AIG1: variants seen among roughly 807,000 people sequenced by gnomAD.
AIG1 encodes androgen induced 1.
In AIG1, 23 loss-of-function variants were observed where a neutral mutation model predicts 31.4. The ratio of observed to expected loss-of-function variants is 0.73; its 90% CI spans 0.53 to 1.04. AIG1 has a LOEUF of 1.04. Among genes scored for constraint, AIG1 ranks in the 50% least tolerant of loss-of-function variants. The pLI, the probability that AIG1 is intolerant of heterozygous loss-of-function variation, is 0.00. For missense variants in AIG1, 274 were observed against 295.0 expected, an observed-to-expected ratio of 0.93 and a Z score of 0.52; for synonymous variants, 100 against 110.5, an observed-to-expected ratio of 0.90 and a Z score of 0.60.
chr6:143,277,643 T>C (rs566224580), intron 3 of AIG1, among the ~76,000 whole-genome samples: 2 of 152,362 alleles, frequency 1.3e-5, no homozygotes, highest in East Asian at 3.8e-4. Context: ...GAGGCCTGCC[T>C]GTATCCTACA....
At chr6:143,296,459 G>A (rs1309875931) in intron 4 of AIG1, among the ~76,000 whole-genome samples, 1 of 152,102 alleles carries the variant, frequency 6.6e-6, no homozygotes. Flanking sequence ...TCTCTTGTGG[G>A]CTGCATGGGA....
At chr6:143,264,757 A>C (rs1796037459) in intron 3 of AIG1, among the ~76,000 whole-genome samples, 2 of 152,238 alleles carry the variant, frequency 1.3e-5, no homozygotes, top group African/African-American at 4.8e-5. Context: ...AAGCAATGAA[A>C]CAATATTTTG....
chr6:143,061,673 G>A (rs1438753519), intron 1 of AIG1: 8 of 218,120 alleles, frequency 3.7e-5, no homozygotes, highest in East Asian at 3.2e-4. Flanking sequence ...GATGTTCAAA[G>A]TGCATTTCCA....
At chr6:143,313,055 C>T (rs1775433923) in intron 4 of AIG1, among the ~76,000 whole-genome samples, 2 of 152,090 alleles carry the variant, frequency 1.3e-5, no homozygotes, top group Admixed American at 1.3e-4. Context: ...CAGCCAATAA[C>T]AAATGTCGGG....
In AIG1 at chr6:143,165,166, T is replaced by A; in HGVS notation, c.382T>A (p.Trp128Arg). Residue 128 changes from tryptophan to arginine, a missense_variant, in exon 3 of 6, where the codon TGG becomes AGG. Coordinates refer to ENST00000357847, the MANE Select transcript of AIG1 (RefSeq NM_016108.4). Reference protein sequence around the residue: ...PKLLDNFIPGWLNHGMHTTVL... With the variant: ...PKLLDNFIPGRLNHGMHTTVL... ...GCTGCTGGATAATTTTATCCCAGGG[T>A]GGCTGAATCACGGAATGGTGAGTGG... 2 of 1,613,016 alleles carry A rather than the reference T, an allele frequency of 1.2e-6. No individual in the cohort carries two copies. The highest frequency in any genetic ancestry group is 1.7e-6 in the Non-Finnish European group (2 of 1,179,120).
At position 143,256,729 on chromosome 6, in the gene AIG1, C is replaced by G. The variant is rs1332027977; in HGVS notation, c.400-27381C>G. The stretch of plus-strand genomic sequence containing the variant: ...TCCCCACTTCATTGGCAGTTTGTAG[C>G]AAATTCTTATTTTCTTTGTTTGGCA... On this transcript the variant is annotated intron_variant, in intron 3 of 5. Coordinates refer to ENST00000357847, the MANE Select transcript of AIG1 (RefSeq NM_016108.4). This position sits in a 1 kb window ranked among gnomAD's most constrained non-coding sequence, Gnocchi z 4.6. Among the ~76,000 whole-genome samples the G allele has an allele frequency of 6.6e-6, 1 of 152,144 alleles. No individual in the cohort carries two copies. Among genetic ancestry groups the G allele is most frequent in the Non-Finnish European group, 1.5e-5 (1 of 68,028 alleles).
At chr6:143,278,981 G>T (rs1404679931) in intron 3 of AIG1, among the ~76,000 whole-genome samples, 1 of 152,066 alleles carries the variant, frequency 6.6e-6, no homozygotes, top group Non-Finnish European at 1.5e-5. Flanking sequence ...AAATGTGAGT[G>T]AATTGGGTGA....
intron 3 of AIG1, among the ~76,000 whole-genome samples, chr6:143,257,780 T>C (rs1330182574): frequency 6.6e-6 from 1 of 152,180 alleles, no homozygotes; most frequent in East Asian, 1.9e-4. Context: ...TCTGTGAAGT[T>C]CTAGGTGCTG....
intron 3 of AIG1, among the ~76,000 whole-genome samples, chr6:143,253,792 A>C (rs752652731): frequency 3.3e-5 from 5 of 152,224 alleles, no homozygotes; most frequent in African/African-American, 4.8e-5. Flanking sequence ...TTCCACTCCA[A>C]CAACACTTAA....
chr6:143,132,607 T>C (rs1334348710), intron 1 of AIG1, among the ~76,000 whole-genome samples: 1 of 152,048 alleles, frequency 6.6e-6, no homozygotes, highest in African/African-American at 2.4e-5. Context: ...GGGTTTATAG[T>C]TTTCAGAAAA....
At chr6:143,081,792 C>T (rs1212604586) in intron 1 of AIG1, among the ~76,000 whole-genome samples, 3 of 152,118 alleles carry the variant, frequency 2.0e-5, no homozygotes, top group African/African-American at 7.2e-5. Context: ...AAACTATGTC[C>T]TCGTGAGTTT....
chr6:143,320,738 A>G (rs1378009184), intron 4 of AIG1, among the ~76,000 whole-genome samples: 2 of 152,088 alleles, frequency 1.3e-5, no homozygotes, highest in Non-Finnish European at 2.9e-5. Flanking sequence ...TATACAAGCT[A>G]AGTCCTGGAG....
chr6:143,132,582 GCTT>G (rs1324804979), intron 1 of AIG1, among the ~76,000 whole-genome samples: 1 of 151,458 alleles, frequency 6.6e-6, no homozygotes, highest in Non-Finnish European at 1.5e-5. Flanking sequence ...CCACTGTTGA[GCTT>G]CTTGGATCTG....
At chr6:143,249,701 T>C (rs1240214025) in intron 3 of AIG1, among the ~76,000 whole-genome samples, 2 of 152,216 alleles carry the variant, frequency 1.3e-5, no homozygotes, top group Non-Finnish European at 2.9e-5. Flanking sequence ...TCAGAGCCTC[T>C]ACTGTCTTCT....
chr6:143,206,559 A>AT (rs113503682), intron 3 of AIG1, among the ~76,000 whole-genome samples: 5 of 152,328 alleles, frequency 3.3e-5, no homozygotes, highest in Admixed American at 6.5e-5. Flanking sequence ...GCAGAGGCAG[A>AT]TCTTTGCTTT....
intron 3 of AIG1, among the ~76,000 whole-genome samples, chr6:143,204,182 G>T (rs904237213): frequency 2.6e-5 from 4 of 152,174 alleles, no homozygotes; most frequent in Admixed American, 6.5e-5. Flanking sequence ...TAATCACTTT[G>T]TTATAGCTTA....
chr6:143,224,176 C>T (rs940245935), intron 3 of AIG1, among the ~76,000 whole-genome samples: 4 of 152,214 alleles, frequency 2.6e-5, no homozygotes, highest in Non-Finnish European at 5.9e-5. Flanking sequence ...GGTGATTTCG[C>T]TCCTGAGTTG....
At chr6:143,107,545 C>G (rs1780912345) in intron 1 of AIG1, among the ~76,000 whole-genome samples, 1 of 151,878 alleles carries the variant, frequency 6.6e-6, no homozygotes, top group Admixed American at 6.6e-5. Flanking sequence ...TCCTTCATAA[C>G]TGCAAGCAAA....
At position 143,136,817 on chromosome 6, in the gene AIG1, G is replaced by A. The variant is rs978923145; in HGVS notation, c.142-18G>A. On this transcript the variant is annotated intron_variant, in intron 1 of 5. Coordinates refer to ENST00000357847, the MANE Select transcript of AIG1 (RefSeq NM_016108.4). ...CTCCAGATCTTAATGACTCATACCG[G>A]CTGTTGTCCCCCTACAGGTTATCCA... 4 of 1,359,792 alleles carry A rather than the reference G, an allele frequency of 2.9e-6. No homozygotes were observed. The African/African-American group carries it at 5.9e-5, about 20-fold the overall frequency. 84.2% of individuals were successfully genotyped at this position (1,359,792 alleles called of 1,614,324 possible).
Sources: allele counts gnomAD v4.1 joint callset (sites outside exome capture counted in the v4.1 genomes callset), GRCh38; gene constraint gnomAD v4.1.1; non-coding constraint Gnocchi (gnomAD v3.1); transcripts MANE v1.5; gene names NCBI Gene and HGNC (gene_info 2026-07-23, HGNC 2026-07-21).